Variants in FHIT observed in about 807,000 individuals in gnomAD.
FHIT encodes the protein bis(5'-adenosyl)-triphosphatase.
Under a neutral mutation model 17.9 loss-of-function variants are expected in FHIT, and 19 were observed. That is an observed-to-expected ratio of 1.06 (90% CI 0.74 to 1.56). The LOEUF (loss-of-function observed/expected upper bound fraction) is 1.56. FHIT is among the 40% of genes most tolerant of loss of function. The pLI, the probability that FHIT is intolerant of heterozygous loss-of-function variation, is 0.00. For missense variants in FHIT, 248 were observed against 189.2 expected, an observed-to-expected ratio of 1.31 and a Z score of -1.82; for synonymous variants, 81 against 69.7, an observed-to-expected ratio of 1.16 and a Z score of -0.81.
At chr3:60,045,155 T>G (rs1482009358) in intron 5 of FHIT, among the ~76,000 whole-genome samples, 1 of 152,178 alleles carries the variant, frequency 6.6e-6, no homozygotes, top group Non-Finnish European at 1.5e-5. Context: ...AATGTGAGTA[T>G]GTTTAACACT....
chr3:60,116,966 A>G (rs1441413409), intron 5 of FHIT, among the ~76,000 whole-genome samples: 1 of 143,020 alleles, frequency 7.0e-6, no homozygotes, highest in Non-Finnish European at 1.6e-5. Flanking sequence ...ACCATGGGTT[A>G]AAAAAATGAT....
chr3:59,945,475 T>C (rs961268929), intron 7 of FHIT, among the ~76,000 whole-genome samples: 6 of 152,162 alleles, frequency 3.9e-5, no homozygotes, highest in African/African-American at 1.4e-4. Flanking sequence ...AGGTTGTCTG[T>C]TTACTCTGTT....
In FHIT at chr3:61,071,841, A is replaced by G. The variant is rs1477681290; in HGVS notation, c.-163-29742T>C. On this transcript the variant is annotated intron_variant, in intron 2 of 9. Transcript: ENST00000492590. The stretch of plus-strand genomic sequence containing the variant: ...GTGGTTATGGCTAGATAGTGAAGTT[A>G]TGGGGGATATTTATTCTTTGCCTTA... Among the ~76,000 whole-genome samples the G allele has an allele frequency of 3.3e-5, 5 of 152,198 alleles. No homozygotes were observed. The South Asian group carries it at 6.2e-4, about 19-fold the overall frequency.
In FHIT at chr3:60,560,608, G is replaced by A. The variant is rs767870620; in HGVS notation, c.-17-23629C>T. Among the ~76,000 whole-genome samples the A allele has an allele frequency of 9.8e-4, 149 of 152,038 alleles. 2 individuals are homozygous for A. The highest frequency in any genetic ancestry group is 2.9e-4 in the Non-Finnish European group (20 of 68,010). On this transcript the variant is annotated intron_variant, in intron 4 of 9. Transcript: ENST00000492590. The stretch of plus-strand genomic sequence containing the variant: ...CTCTTTCTGTTTGAGGTTGAAAATG[G>A]AAATGGGAAGAACCAGGCAGGCCTT...
In FHIT at chr3:60,444,363, T is replaced by G. The variant is rs569997313; in HGVS notation, c.103+92497A>C. Reference sequence around the variant, plus strand: ...TACTGGGTATATATCCAAAGGATTATAAATCATGCTGCTATAAAGACACGT... The same window carrying G: ...TACTGGGTATATATCCAAAGGATTAGAAATCATGCTGCTATAAAGACACGT... On this transcript the variant is annotated intron_variant, in intron 5 of 9. Transcript: ENST00000492590. Among the ~76,000 whole-genome samples the G allele has an allele frequency of 2.2e-3, 340 of 152,342 alleles. 4 individuals carry two copies. Among genetic ancestry groups the G allele is most frequent in the Middle Eastern group, 0.01 (3 of 294 alleles).
intron 4 of FHIT, among the ~76,000 whole-genome samples, chr3:60,702,811 T>C (rs2107913610): frequency 6.6e-6 from 1 of 152,314 alleles, no homozygotes; most frequent in Non-Finnish European, 1.5e-5. Context: ...TGAGTGACTT[T>C]TATATTTTAC....
chr3:60,831,127 T>C (rs1702312255), intron 3 of FHIT, among the ~76,000 whole-genome samples: 1 of 152,158 alleles, frequency 6.6e-6, no homozygotes, highest in Non-Finnish European at 1.5e-5. Context: ...TATTATTAAG[T>C]GATGGCACTT....
chr3:61,092,900 C>T (rs539778319), intron 2 of FHIT, among the ~76,000 whole-genome samples: 1 of 152,248 alleles, frequency 6.6e-6, no homozygotes, highest in African/African-American at 2.4e-5. Flanking sequence ...AAATTTTCTT[C>T]CAGCTTACTA....
At chr3:60,788,980 A>G (rs1329078723) in intron 4 of FHIT, among the ~76,000 whole-genome samples, 1 of 151,938 alleles carries the variant, frequency 6.6e-6, no homozygotes, top group African/African-American at 2.4e-5. Context: ...GTATCCCCAG[A>G]AGAAAGATAA....
intron 5 of FHIT, among the ~76,000 whole-genome samples, chr3:60,027,909 C>T (rs938023450): frequency 6.6e-6 from 1 of 152,108 alleles, no homozygotes; most frequent in Non-Finnish European, 1.5e-5. Context: ...GGCTACTGAG[C>T]ACTTGAAATA....
At chr3:60,177,077 T>G (rs1343781942) in intron 5 of FHIT, among the ~76,000 whole-genome samples, 1 of 151,664 alleles carries the variant, frequency 6.6e-6, no homozygotes, top group Non-Finnish European at 1.5e-5. Flanking sequence ...TGATGAAAAA[T>G]CTGTGCGAAA....
chr3:61,033,046 C>G (rs2033082166), intron 3 of FHIT, among the ~76,000 whole-genome samples: 1 of 152,252 alleles, frequency 6.6e-6, no homozygotes, highest in African/African-American at 2.4e-5. Flanking sequence ...ACGTTTTGTT[C>G]TATTCACGTC....
intron 1 of FHIT, among the ~76,000 whole-genome samples, chr3:61,227,328 C>G (rs1385848139): frequency 6.6e-6 from 1 of 152,028 alleles, no homozygotes; most frequent in Non-Finnish European, 1.5e-5. Context: ...ATTAGTATAC[C>G]TCTGTCCTAT....
At chr3:60,141,679 G>A (rs1176570056) in intron 5 of FHIT, among the ~76,000 whole-genome samples, 2 of 152,140 alleles carry the variant, frequency 1.3e-5, no homozygotes, top group African/African-American at 4.8e-5. Context: ...AGAGTCAACT[G>A]TTAAATCACT....
intron 7 of FHIT, among the ~76,000 whole-genome samples, chr3:59,976,896 T>C (rs1421641345): frequency 6.6e-6 from 1 of 152,016 alleles, no homozygotes; most frequent in Non-Finnish European, 1.5e-5. Context: ...ATGCAAGATA[T>C]CTCCAAGGTT....
At chr3:59,921,243 T>TAAC (rs1228769125) in intron 8 of FHIT, among the ~76,000 whole-genome samples, 1 of 152,194 alleles carries the variant, frequency 6.6e-6, no homozygotes, top group East Asian at 1.9e-4. Context: ...TGTTCTTTAT[T>TAAC]TTCAGGGTTT....
intron 5 of FHIT, among the ~76,000 whole-genome samples, chr3:60,498,645 G>T (rs2034400114): frequency 6.6e-6 from 1 of 152,046 alleles, no homozygotes; most frequent in Non-Finnish European, 1.5e-5. Flanking sequence ...TTGTCAAGAA[G>T]GTCAAATATT....
intron 5 of FHIT, among the ~76,000 whole-genome samples, chr3:60,252,460 A>C (rs1248709931): frequency 6.6e-6 from 1 of 152,094 alleles, no homozygotes; most frequent in African/African-American, 2.4e-5. Context: ...GCTACTAGAA[A>C]GGCTAGGTGG....
intron 5 of FHIT, among the ~76,000 whole-genome samples, chr3:60,020,111 TG>T (rs1447964248): frequency 6.6e-6 from 1 of 152,142 alleles, no homozygotes; most frequent in Non-Finnish European, 1.5e-5. Flanking sequence ...AAAGGACTGG[TG>T]GAGTCAGAAC....
Sources: gnomAD v4.1 joint callset for allele counts (sites outside exome capture counted in the v4.1 genomes callset) on GRCh38, gnomAD v4.1.1 for gene constraint, MANE v1.5 for transcripts, NCBI Gene and HGNC (gene_info 2026-07-23, HGNC 2026-07-21) for gene names.